Variants in TELO2 observed in about 807,000 individuals in gnomAD.
The protein encoded by TELO2 is telomere length regulation protein TEL2 homolog.
Under a neutral mutation model 91.0 loss-of-function variants are expected in TELO2, and 71 were observed. That is an observed-to-expected ratio of 0.78 (90% CI 0.64 to 0.95). The LOEUF (loss-of-function observed/expected upper bound fraction) is 0.95. Among genes scored for constraint, TELO2 ranks in the 40% least tolerant of loss-of-function variants. The pLI, the probability that TELO2 is intolerant of heterozygous loss-of-function variation, is 0.00. For synonymous variants in TELO2, 584 were observed against 518.9 expected (o/e 1.13, Z -1.71); for missense variants, 1,183 against 1,141.3 (o/e 1.04, Z -0.53).
chr16:1,502,301 G>A lies in TELO2; in HGVS notation c.1562-12G>A. 1 of 1,595,832 alleles carries A rather than the reference G, an allele frequency of 6.3e-7. No homozygotes were observed. Among genetic ancestry groups the A allele is most frequent in the Non-Finnish European group, 8.5e-7 (1 of 1,172,068 alleles). ...GCTGAGGCTGACCGAGGCCTCTCTG[G>A]GTTCTGTGCAGCCCTGACCACGTCT... On this transcript the variant is annotated splice_polypyrimidine_tract_variant and intron_variant, in intron 12 of 20. Transcript: ENST00000262319.
At chr16:1,509,256 G>A (rs996332640) in intron 20 of TELO2, among the ~76,000 whole-genome samples, 1 of 152,102 alleles carries the variant, frequency 6.6e-6, no homozygotes. Flanking sequence ...CCTTTCACAG[G>A]CACCTCCCAC....
At chr16:1,503,047 G>C in intron 15 of TELO2, 45 bp downstream of exon 15, 4 of 1,601,190 alleles carry the variant, frequency 2.5e-6, no homozygotes, top group Non-Finnish European at 2.5e-6. Flanking sequence ...GGCCCAAGCT[G>C]CCCTAAGGTG....
chr16:1,496,816 G>C (rs1353811518), intron 3 of TELO2, among the ~76,000 whole-genome samples: 1 of 152,246 alleles, frequency 6.6e-6, no homozygotes, highest in Non-Finnish European at 1.5e-5. Context: ...GATTAAGTGG[G>C]CTAAGATGGG....
intron 16 of TELO2, 91 bp from the exon 17 acceptor site, chr16:1,506,147 C>A: frequency 7.1e-7 from 1 of 1,416,474 alleles, no homozygotes; most frequent in Non-Finnish European, 9.8e-7. Context: ...GGCTGAGGTC[C>A]ACGCTGCTTT....
At chr16:1,499,142 C>A in intron 5 of TELO2, 89 bp from the exon 6 acceptor site, 2 of 1,375,164 alleles carry the variant, frequency 1.5e-6, no homozygotes, top group Non-Finnish European at 2.0e-6. Flanking sequence ...GGGAGTCAGG[C>A]CGCCGTCTGT....
At position 1,505,660 on chromosome 16, in the gene TELO2, C is replaced by A; in HGVS notation, c.2034+59C>A. The A allele has an allele frequency of 1.9e-6, 3 of 1,539,910 alleles. No homozygotes were observed. Among genetic ancestry groups the A allele is most frequent in the Non-Finnish European group, 1.8e-6 (2 of 1,138,232 alleles). On this transcript the variant is annotated intron_variant, in intron 16 of 20. Coordinates refer to ENST00000262319, the MANE Select transcript of TELO2 (RefSeq NM_016111.4). The surrounding 1 kb of genome is among the most constrained non-coding windows in gnomAD (Gnocchi z 4.3). ...GGGGACCGTGGGTGGGTGGGAAGGG[C>A]GGTCAGACACCTCCAGGCGCTGTCT...
intron 6 of TELO2, 75 bp from the exon 7 acceptor site, chr16:1,500,021 C>A: frequency 2.0e-6 from 3 of 1,519,834 alleles, no homozygotes; most frequent in Non-Finnish European, 2.7e-6. Context: ...CCTGGCATGG[C>A]TCTTGGCCTT....
intron 20 of TELO2, among the ~76,000 whole-genome samples, 164 bp downstream of exon 20, chr16:1,507,880 GTGTGTGTGTGTGTGA>G (rs1331223641): frequency 7.4e-5 from 7 of 94,458 alleles, no homozygotes; most frequent in African/African-American, 2.4e-4. Flanking sequence ...GTGTGTGTGT[GTGTGTGTGTGTGTGA>G]TGTGTGTCGG....
At chr16:1,500,063 A>T in intron 6 of TELO2, 33 bp from the exon 7 acceptor site, 1 of 1,593,288 alleles carries the variant, frequency 6.3e-7, no homozygotes, top group Non-Finnish European at 8.6e-7. Flanking sequence ...CGGCGGCCTC[A>T]GCCCAGTGGA....
At chr16:1,496,779 G>C (rs762570736) in intron 3 of TELO2, among the ~76,000 whole-genome samples, 1 of 152,202 alleles carries the variant, frequency 6.6e-6, no homozygotes, top group Non-Finnish European at 1.5e-5. Context: ...ACATCATACC[G>C]GTCCCGACCT....
chr16:1,504,225 G>A (rs1234148724), intron 15 of TELO2, among the ~76,000 whole-genome samples: 1 of 151,702 alleles, frequency 6.6e-6, no homozygotes, highest in Middle Eastern at 3.4e-3. Context: ...ATGAGGTCAG[G>A]AGTTCAAGAC....
chr16:1,494,206 A>G lies in TELO2; in HGVS notation c.-36-40A>G. Reference sequence around the variant, plus strand: ...GGGGCTTCCTGAGCTTGTGTGGATTATTTCCGTGCCCCAAGCTGAGCCCTG... The same window carrying G: ...GGGGCTTCCTGAGCTTGTGTGGATTGTTTCCGTGCCCCAAGCTGAGCCCTG... On this transcript the variant is annotated intron_variant, in intron 1 of 20. Coordinates refer to ENST00000262319, the MANE Select transcript of TELO2 (RefSeq NM_016111.4). The surrounding 1 kb of genome is among the most constrained non-coding windows in gnomAD (Gnocchi z 5.6). 1 of 1,435,554 alleles carries G rather than the reference A, an allele frequency of 7.0e-7. No homozygotes were observed. The highest frequency in any genetic ancestry group is 9.5e-7 in the Non-Finnish European group (1 of 1,048,390). 88.9% of individuals were successfully genotyped at this position (1,435,554 alleles called of 1,614,324 possible).
In TELO2 at chr16:1,502,623, C is replaced by T. The variant is rs779615052; in HGVS notation, c.1654-22C>T. The T allele has an allele frequency of 9.3e-6, 15 of 1,605,492 alleles. No individual in the cohort carries two copies. In the Middle Eastern group the frequency reaches 1.2e-3, roughly 123 times the overall value. On this transcript the variant is annotated intron_variant, in intron 13 of 20. Transcript: ENST00000262319. Reference sequence around the variant, plus strand: ...GGGCAGCTGGGTCCGACAGGTTTCCCAGCCCTAACCCCTGCGTGCAGGTGA... The same window carrying T: ...GGGCAGCTGGGTCCGACAGGTTTCCTAGCCCTAACCCCTGCGTGCAGGTGA...
chr16:1,497,219 C>T lies in TELO2; in HGVS notation c.682+115C>T, dbSNP rs2235630. On this transcript the variant is annotated intron_variant, in intron 4 of 20. Transcript: ENST00000262319. This position sits in a 1 kb window ranked among gnomAD's most constrained non-coding sequence, Gnocchi z 4.0. ...TGGCCCTCTGCAGGGTCCCCTTGCCCGGTCCTGTCCTGGGCCCGTGGGATC... is the reference window on the plus strand; with the variant it reads ...TGGCCCTCTGCAGGGTCCCCTTGCCTGGTCCTGTCCTGGGCCCGTGGGATC... 1,104,958 of 1,513,942 alleles carry T rather than the reference C, an allele frequency of 0.73. 414,328 individuals carry two copies. Among genetic ancestry groups the T allele is most frequent in the Non-Finnish European group, 0.78 (872,540 of 1,121,212 alleles). 93.8% of individuals were successfully genotyped at this position (1,513,942 alleles called of 1,614,324 possible).
chr16:1,497,200 T>C lies in TELO2; in HGVS notation c.682+96T>C. 6.5e-7 allele frequency: 1 copy of C among 1,541,490 alleles called. No individual in the cohort carries two copies. The highest frequency in any genetic ancestry group is 8.8e-7 in the Non-Finnish European group (1 of 1,132,584). The stretch of plus-strand genomic sequence containing the variant: ...CGAGAATCCCTCCTGACCCTGGCCC[T>C]CTGCAGGGTCCCCTTGCCCGGTCCT... On this transcript the variant is annotated intron_variant, in intron 4 of 20. Coordinates refer to ENST00000262319, the MANE Select transcript of TELO2 (RefSeq NM_016111.4). This position sits in a 1 kb window ranked among gnomAD's most constrained non-coding sequence, Gnocchi z 4.0.
At position 1,504,129 on chromosome 16, in the gene TELO2, A is replaced by T. The variant is rs1367620803; in HGVS notation, c.1842+1127A>T. 1.6e-3 allele frequency among the ~76,000 whole-genome samples: 104 copies of T among 64,586 alleles called. 2 individuals are homozygous for T. In the African/African-American group the frequency reaches 0.022, roughly 13 times the overall value. The allele number at this position is 64,586 out of a possible 152,430, so 42.4% of individuals were successfully genotyped here. A position where few individuals can be genotyped will look rare whatever the true frequency, so the allele number is the denominator to read the frequency against. On this transcript the variant is annotated intron_variant, in intron 15 of 20. Coordinates refer to ENST00000262319, the MANE Select transcript of TELO2 (RefSeq NM_016111.4). ...AATAGAGCAAGACTCTGTCTCTTTA[A>T]AAAAAAAAAAAAAAAAAAAAAGCAG...
At chr16:1,501,280 C>T in intron 9 of TELO2, 140 bp from the exon 10 acceptor site, 2 of 855,202 alleles carry the variant, frequency 2.3e-6, no homozygotes, top group East Asian at 2.7e-5. Flanking sequence ...TTTAAAAAGA[C>T]ACCTGGCTAT....
chr16:1,505,355 G>A lies in TELO2; in HGVS notation c.1843-55G>A. The A allele has an allele frequency of 6.4e-7, 1 of 1,558,178 alleles. No individual in the cohort carries two copies. Among genetic ancestry groups the A allele is most frequent in the Non-Finnish European group, 8.7e-7 (1 of 1,147,812 alleles). ...TGGGGCTTTGGCTGACTTGACTCTT[G>A]GGAAATGTTCTTCCCTGGAGCAGTG... On this transcript the variant is annotated intron_variant, in intron 15 of 20. Transcript: ENST00000262319. The surrounding 1 kb of genome is among the most constrained non-coding windows in gnomAD (Gnocchi z 4.3).
rs2039451654 is a variant in TELO2, at chr16:1,495,508, C to G, written c.498C>G (p.His166Gln). Reference protein sequence around the residue: ...LLGKVVALPDHLGNRLQQENL... With the variant: ...LLGKVVALPDQLGNRLQQENL... ...GCAAGGTGGTGGCCCTGCCCGATCA[C>G]CTGGGCAACCGCCTGCAGCAGGAGA... Residue 166 changes from histidine to glutamine, a missense_variant, in exon 3 of 21, where the codon CAC becomes CAG. Transcript: ENST00000262319. 2.5e-6 allele frequency: 4 copies of G among 1,611,092 alleles called. No homozygotes were observed. In the African/African-American group the frequency reaches 4.0e-5, roughly 16 times the overall value.
Sources: allele counts gnomAD v4.1 joint callset (sites outside exome capture counted in the v4.1 genomes callset), GRCh38; gene constraint gnomAD v4.1.1; non-coding constraint Gnocchi (gnomAD v3.1); transcripts MANE v1.5; gene names NCBI Gene and HGNC (gene_info 2026-07-23, HGNC 2026-07-21).